The following POLR3B variants were observed in gnomAD, a reference collection of about 807,000 sequenced individuals.
POLR3B encodes DNA-directed RNA polymerase III subunit RPC2.
POLR3B carries 96 observed loss-of-function variants against 147.4 expected under a neutral mutation model. The observed-to-expected ratio is 0.65, with a 90% CI of 0.55 to 0.77. POLR3B has a LOEUF of 0.77. POLR3B is among the 30% of genes least tolerant of loss of function. POLR3B has a pLI of 0.00. For missense variants in POLR3B, 1,036 were observed against 1,413.5 expected (o/e 0.73, Z 4.28); for synonymous variants, 461 against 485.9 (o/e 0.95, Z 0.67).
chr12:106,424,022 A>G (rs2037404976), intron 12 of POLR3B, among the ~76,000 whole-genome samples: 2 of 151,850 alleles, frequency 1.3e-5, no homozygotes, highest in South Asian at 4.2e-4. Flanking sequence ...ATGCCTGGCT[A>G]ATTTTTGTAT....
intron 12 of POLR3B, among the ~76,000 whole-genome samples, chr12:106,426,726 G>A (rs1190710425): frequency 3.3e-5 from 5 of 151,792 alleles, no homozygotes; most frequent in Admixed American, 3.3e-4. Flanking sequence ...ACAGGGATGG[G>A]TAGATAATGG....
chr12:106,425,640 C>A (rs10861603), intron 12 of POLR3B, among the ~76,000 whole-genome samples: 1,592 of 152,252 alleles, frequency 0.01, 16 homozygotes, highest in Non-Finnish European at 0.014. Context: ...GTTTTCTCCT[C>A]ACTGCAGCCT....
At chr12:106,402,451 A>G (rs2037081989) in intron 10 of POLR3B, among the ~76,000 whole-genome samples, 1 of 152,172 alleles carries the variant, frequency 6.6e-6, no homozygotes, top group African/African-American at 2.4e-5. Flanking sequence ...ACAGAATTGG[A>G]AAAAACTACT....
chr12:106,358,211 C>A, intron 1 of POLR3B: 2 of 1,411,018 alleles, frequency 1.4e-6, no homozygotes, highest in Non-Finnish European at 1.8e-6. Context: ...GGTTGGAGCT[C>A]TTCCAGCATA....
intron 19 of POLR3B, among the ~76,000 whole-genome samples, chr12:106,449,428 C>CT (rs2037769086): frequency 6.6e-6 from 1 of 152,154 alleles, no homozygotes; most frequent in Non-Finnish European, 1.5e-5. Context: ...ACTCCTCTCA[C>CT]AGTTGAAAAT....
At chr12:106,430,517 C>T in intron 14 of POLR3B, 44 bp downstream of exon 14, 1 of 1,500,248 alleles carries the variant, frequency 6.7e-7, no homozygotes. Context: ...GAGGCGATAC[C>T]TATGTCTGTG....
intron 22 of POLR3B, among the ~76,000 whole-genome samples, chr12:106,462,654 A>G (rs1233294469): frequency 6.6e-6 from 1 of 152,218 alleles, no homozygotes; most frequent in Non-Finnish European, 1.5e-5. Context: ...AGGTGTCCTT[A>G]GCACACCTCC....
intron 23 of POLR3B, among the ~76,000 whole-genome samples, chr12:106,491,032 C>T (rs1469032915): frequency 6.6e-6 from 1 of 152,214 alleles, no homozygotes; most frequent in African/African-American, 2.4e-5. Flanking sequence ...AGTGCAACTG[C>T]AACTGCTCCT....
At chr12:106,436,337 A>G (rs1375291120) in intron 16 of POLR3B, among the ~76,000 whole-genome samples, 1 of 152,202 alleles carries the variant, frequency 6.6e-6, no homozygotes, top group Admixed American at 6.5e-5. Flanking sequence ...TCATGGTGGC[A>G]AAGCCCTCCG....
rs763479999 is a variant in POLR3B, at chr12:106,410,916, G to A, written c.1057G>A (p.Asp353Asn). The A allele has an allele frequency of 3.1e-6, 5 of 1,613,322 alleles. No individual in the cohort carries two copies. The highest frequency in any genetic ancestry group is 1.3e-5 in the African/African-American group (1 of 74,892). Residue 353 changes from aspartate to asparagine, a missense_variant, in exon 12 of 28, where the codon GAC becomes AAC. Coordinates refer to ENST00000228347, the MANE Select transcript of POLR3B (RefSeq NM_018082.6). Reference sequence around the variant, plus strand: ...GGCCCAAGGAGATAATAAAGTTGACGACAGAGATTATTATGGTAACAAGCG... The same window carrying A: ...GGCCCAAGGAGATAATAAAGTTGACAACAGAGATTATTATGGTAACAAGCG... ...ILAQGDNKVD[D>N]RDYYGNKRLE...
intron 23 of POLR3B, among the ~76,000 whole-genome samples, chr12:106,486,448 G>T (rs2038341038): frequency 6.6e-6 from 1 of 152,010 alleles, no homozygotes; most frequent in Non-Finnish European, 1.5e-5. Context: ...GTTAAAGGTG[G>T]CTCTTTTCTC....
chr12:106,401,058 A>T (rs2037057757), intron 10 of POLR3B, among the ~76,000 whole-genome samples: 1 of 152,236 alleles, frequency 6.6e-6, no homozygotes, highest in African/African-American at 2.4e-5. Context: ...GAAAAGATTA[A>T]CAAAATTGAT....
Position 106,419,733 on chromosome 12 carries a change from A to G in POLR3B, c.1102-7464A>G, listed in dbSNP as rs559002946. 1.0e-3 allele frequency among the ~76,000 whole-genome samples: 146 copies of G among 143,536 alleles called. 1 individual carries two copies. The highest frequency in any genetic ancestry group is 3.7e-3 in the African/African-American group (139 of 37,458). 94.2% of individuals were successfully genotyped at this position (143,536 alleles called of 152,430 possible). A position where few individuals can be genotyped will look rare whatever the true frequency, so the allele number is the denominator to read the frequency against. ...GGAGTATTTAGTATGCATAATATCT[A>G]TTATATTACTGAAGAAGTCTACTTT... On this transcript the variant is annotated intron_variant, in intron 12 of 27. Coordinates refer to ENST00000228347, the MANE Select transcript of POLR3B (RefSeq NM_018082.6).
intron 2 of POLR3B, among the ~76,000 whole-genome samples, chr12:106,364,691 A>G (rs114334451): frequency 0.016 from 2,371 of 152,356 alleles, 60 homozygotes; most frequent in African/African-American, 0.054. Context: ...CCAAGAGTGG[A>G]AACAACCCAA....
chr12:106,364,917 C>T (rs1052897594), intron 2 of POLR3B, among the ~76,000 whole-genome samples: 2 of 152,020 alleles, frequency 1.3e-5, no homozygotes, highest in African/African-American at 2.4e-5. Context: ...GGGCGGATCA[C>T]GAGGTCAGGA....
At chr12:106,508,001 A>G (rs566736381) in intron 27 of POLR3B, among the ~76,000 whole-genome samples, 1 of 152,256 alleles carries the variant, frequency 6.6e-6, no homozygotes, top group South Asian at 2.1e-4. Context: ...ACACACAAAA[A>G]ACTTAAAATT....
intron 6 of POLR3B, among the ~76,000 whole-genome samples, chr12:106,373,433 A>G (rs1477725493): frequency 2.6e-5 from 4 of 152,082 alleles, no homozygotes; most frequent in Non-Finnish European, 5.9e-5. Context: ...TTTCTGGCAT[A>G]TCATTAAAAA....
At chr12:106,406,338 CG>C (rs2136932500) in intron 11 of POLR3B, among the ~76,000 whole-genome samples, 1 of 152,112 alleles carries the variant, frequency 6.6e-6, no homozygotes, top group East Asian at 1.9e-4. Context: ...GTGCCTTGCC[CG>C]TACATATTTT....
chr12:106,501,331 T>C lies in POLR3B; in HGVS notation c.2993T>C (p.Leu998Ser). 3 of 1,604,862 alleles carry C rather than the reference T, an allele frequency of 1.9e-6. No homozygotes were observed. In the East Asian group the frequency reaches 6.7e-5, roughly 36 times the overall value. The change falls in exon 26 of 28, where the codon TTA (leucine) becomes TCA (serine). Residue 998 changes from leucine to serine, a missense_variant. This residue lies in a region of POLR3B where 88 missense variants were observed against 87.5 expected (regional missense o/e 1.01). Transcript: ENST00000228347. ...ATTGATCTTTCTTTCAGTGAGCCCT[T>C]AGAAGCATACATCTATTTTGGCCCC... ...YVTSGITGEP[L>S]EAYIYFGPVY... is the part of the protein sequence containing the mutation.
Sources: gnomAD v4.1 joint callset for allele counts (sites outside exome capture counted in the v4.1 genomes callset) on GRCh38, gnomAD v4.1.1 for gene constraint, gnomAD v4.1.1 regional missense constraint, MANE v1.5 for transcripts, NCBI Gene and HGNC (gene_info 2026-07-23, HGNC 2026-07-21) for gene names.